The following PTGER3 variants were observed in gnomAD, a reference collection of about 807,000 sequenced individuals.
PTGER3 encodes prostaglandin E2 receptor EP3 subtype.
PTGER3 carries 22 observed loss-of-function variants against 34.7 expected under a neutral mutation model. That is an observed-to-expected ratio of 0.63 (90% CI 0.45 to 0.91). PTGER3 has a LOEUF of 0.91. Ranked by LOEUF, PTGER3 falls within the 40% of genes least tolerant of loss-of-function variation. The probability of loss-of-function intolerance (pLI) is 0.00; values close to 1 mark genes in which losing one functional copy is unlikely to be tolerated. For synonymous variants in PTGER3, 241 were observed against 230.1 expected (o/e 1.05, Z -0.43); for missense variants, 468 against 519.4 (o/e 0.90, Z 0.96).
At chr1:70,953,842 C>T (rs1164389552) in intron 2 of PTGER3, 1 of 857,266 alleles carries the variant, frequency 1.2e-6, no homozygotes, top group Non-Finnish European at 1.7e-6. Flanking sequence ...ATGCAAAGTT[C>T]CTAGAAGGAT....
chr1:70,957,405 T>A (rs1195210676), intron 2 of PTGER3, among the ~76,000 whole-genome samples: 1 of 152,222 alleles, frequency 6.6e-6, no homozygotes, highest in Non-Finnish European at 1.5e-5. Flanking sequence ...TTCATTTAAC[T>A]TGATCATTTA....
chr1:70,969,861 T>G (rs1652904994), downstream of PTGER3, among the ~76,000 whole-genome samples: 1 of 152,178 alleles, frequency 6.6e-6, no homozygotes, highest in Non-Finnish European at 1.5e-5. Context: ...TCATAGTAAA[T>G]ACTTTCTGAG....
chr1:70,984,445 C>G (rs1654713474), intron 2 of PTGER3, among the ~76,000 whole-genome samples: 1 of 151,042 alleles, frequency 6.6e-6, no homozygotes, highest in Non-Finnish European at 1.5e-5. Flanking sequence ...CAAAATTGCT[C>G]TACTAATAAA....
chr1:71,008,320 CTGAT>C, intron 2 of PTGER3: 1 of 866,846 alleles, frequency 1.2e-6, no homozygotes, highest in African/African-American at 1.8e-5. Flanking sequence ...TAATACATAT[CTGAT>C]TGAATTATAT....
chr1:70,929,151 C>T (rs1202001272), intron 4 of PTGER3, among the ~76,000 whole-genome samples: 1 of 152,050 alleles, frequency 6.6e-6, no homozygotes, highest in Non-Finnish European at 1.5e-5. Context: ...ATGACTAATC[C>T]AAAGTTATGA....
intron 4 of PTGER3, among the ~76,000 whole-genome samples, chr1:70,901,098 C>T (rs1646829159): frequency 6.6e-6 from 1 of 152,168 alleles, no homozygotes; most frequent in Non-Finnish European, 1.5e-5. Flanking sequence ...CCCTTAGTCT[C>T]CTGGCTGATC....
At chr1:70,945,489 G>A (rs751041979) in intron 4 of PTGER3, among the ~76,000 whole-genome samples, 1 of 152,088 alleles carries the variant, frequency 6.6e-6, no homozygotes, top group African/African-American at 2.4e-5. Flanking sequence ...CCAAGGACTC[G>A]GAGTCATGGG....
chr1:70,987,017 C>T (rs1407513128), intron 2 of PTGER3, among the ~76,000 whole-genome samples: 1 of 152,158 alleles, frequency 6.6e-6, no homozygotes, highest in Non-Finnish European at 1.5e-5. Flanking sequence ...ATTAATTTTA[C>T]AATTAGTATT....
rs1573029327 is a variant in PTGER3 at position 71,047,014 on chromosome 1, G to A, written c.564C>T (p.Phe188=). ...CCACGCCCAGCACCGGCAGCAGGGCGAAGGCGAGCACGGCCAGCCACACGC... is the reference window on the plus strand; with the variant it reads ...CCACGCCCAGCACCGGCAGCAGGGCAAAGGCGAGCACGGCCAGCCACACGC... ...LLGVWLAVLA[F]ALLPVLGVGQ... The change falls in exon 1 of 4, where the codon TTC becomes TTT. Residue 188 remains phenylalanine, a synonymous_variant. Transcript: ENST00000306666. 1 of 1,611,164 alleles carries A rather than the reference G, an allele frequency of 6.2e-7. No individual in the cohort carries two copies. The highest frequency in any genetic ancestry group is 8.5e-7 in the Non-Finnish European group (1 of 1,179,040).
At chr1:70,972,437 CTAAT>C (rs1289962817) in intron 3 of PTGER3, among the ~76,000 whole-genome samples, 1 of 151,982 alleles carries the variant, frequency 6.6e-6, no homozygotes, top group African/African-American at 2.4e-5. Context: ...AATTTTAAAT[CTAAT>C]TATTTTCGCA....
chr1:71,009,198 T>C (rs1052883721), intron 2 of PTGER3: 47 of 985,156 alleles, frequency 4.8e-5, no homozygotes, highest in Admixed American at 6.2e-5. Flanking sequence ...TAAAATACTG[T>C]TTGCCAGTTT....
chr1:70,948,555 A>C (rs1229789410), downstream of PTGER3, among the ~76,000 whole-genome samples: 1 of 152,168 alleles, frequency 6.6e-6, no homozygotes, highest in Non-Finnish European at 1.5e-5. Context: ...AAATGGCTGC[A>C]TACCAATTTG....
intron 4 of PTGER3, among the ~76,000 whole-genome samples, chr1:70,892,558 C>T (rs560921556): frequency 1.3e-5 from 2 of 152,088 alleles, no homozygotes; most frequent in African/African-American, 2.4e-5. Context: ...CATATTGTAA[C>T]CTCCTTAGGA....
chr1:71,009,829 G>T (rs988484256), intron 2 of PTGER3: 2 of 984,870 alleles, frequency 2.0e-6, no homozygotes, highest in Non-Finnish European at 2.4e-6. Context: ...ACTTAGACAC[G>T]TCTTTCTGCT....
At chr1:71,004,445 CA>C (rs1656761472) in intron 2 of PTGER3, among the ~76,000 whole-genome samples, 1 of 152,188 alleles carries the variant, frequency 6.6e-6, no homozygotes, top group African/African-American at 2.4e-5. Context: ...CATCAAGAGA[CA>C]TTGCCCAATA....
At chr1:71,001,940 C>T (rs973398481) in intron 2 of PTGER3, among the ~76,000 whole-genome samples, 11 of 152,076 alleles carry the variant, frequency 7.2e-5, no homozygotes, top group Non-Finnish European at 1.2e-4. Context: ...AACAAAGTAA[C>T]ACTAACCACT....
At chr1:70,894,131 A>G (rs917801280) in intron 4 of PTGER3, among the ~76,000 whole-genome samples, 1 of 151,936 alleles carries the variant, frequency 6.6e-6, no homozygotes, top group African/African-American at 2.4e-5. Context: ...AACGTGGTGA[A>G]ACTACATCTC....
chr1:70,909,154 A>T (rs1296510806), intron 4 of PTGER3, among the ~76,000 whole-genome samples: 1 of 152,236 alleles, frequency 6.6e-6, no homozygotes, highest in African/African-American at 2.4e-5. Flanking sequence ...AGCTACTATA[A>T]ATAAAGCTTA....
At chr1:70,892,552 T>C (rs992558133) in intron 4 of PTGER3, among the ~76,000 whole-genome samples, 2 of 152,106 alleles carry the variant, frequency 1.3e-5, no homozygotes, top group Admixed American at 6.5e-5. Flanking sequence ...CCTCTACATA[T>C]TGTAACCTCC....
Sources: gnomAD v4.1 joint callset for allele counts (sites outside exome capture counted in the v4.1 genomes callset) on GRCh38, gnomAD v4.1.1 for gene constraint, MANE v1.5 for transcripts, NCBI Gene and HGNC (gene_info 2026-07-23, HGNC 2026-07-21) for gene names.